Variants in METAP1D observed in about 807,000 individuals in gnomAD.
METAP1D encodes the protein methionyl aminopeptidase type 1D, mitochondrial, also known as methionine aminopeptidase 1D, mitochondrial.
In METAP1D, 31 loss-of-function variants were observed where a neutral mutation model predicts 40.5. The observed-to-expected ratio is 0.77, with a 90% CI of 0.58 to 1.03. METAP1D has a LOEUF of 1.03. Among genes scored for constraint, METAP1D ranks in the 50% least tolerant of loss-of-function variants. The pLI is 0.00. For missense variants in METAP1D, 411 were observed against 420.7 expected (o/e 0.98, Z 0.20); for synonymous variants, 151 against 146.4 (o/e 1.03, Z -0.22).
chr2:172,063,675 G>T (rs773254710), intron 2 of METAP1D, 36 bp from the exon 3 acceptor site: 3 of 1,523,802 alleles, frequency 2.0e-6, no homozygotes, highest in South Asian at 1.1e-5. Flanking sequence ...TCGTGCGCTG[G>T]GTTCTGATCT....
chr2:172,014,534 A>G (rs901868132), intron 1 of METAP1D, among the ~76,000 whole-genome samples: 4 of 152,246 alleles, frequency 2.6e-5, no homozygotes, highest in African/African-American at 9.6e-5. Flanking sequence ...TGCTTCTGAC[A>G]TGTTGGTTGT....
intron 1 of METAP1D, among the ~76,000 whole-genome samples, chr2:172,049,341 G>A (rs1364242757): frequency 6.7e-6 from 1 of 149,718 alleles, no homozygotes; most frequent in Non-Finnish European, 1.5e-5. Flanking sequence ...AAATATATAA[G>A]TATATATATT....
At chr2:172,067,043 AG>A (rs1690301405) in intron 5 of METAP1D, among the ~76,000 whole-genome samples, 1 of 152,178 alleles carries the variant, frequency 6.6e-6, no homozygotes, top group Admixed American at 6.5e-5. Context: ...TCATTTTCTT[AG>A]CCTTTTACCA....
chr2:172,075,354 G>A (rs929492687), intron 6 of METAP1D, among the ~76,000 whole-genome samples: 2 of 152,176 alleles, frequency 1.3e-5, no homozygotes, highest in Non-Finnish European at 2.9e-5. Context: ...GATTTTATCC[G>A]TGAAATGTCC....
chr2:172,079,446 C>T (rs762949022), intron 8 of METAP1D, among the ~76,000 whole-genome samples, 184 bp downstream of exon 8: 1 of 152,196 alleles, frequency 6.6e-6, no homozygotes, highest in African/African-American at 2.4e-5. Context: ...AGATACTTAC[C>T]GACACATTTA....
chr2:172,066,486 G>C lies in METAP1D; in HGVS notation c.540+180G>C, dbSNP rs138820536. 9.9e-3 allele frequency among the ~76,000 whole-genome samples: 1,506 copies of C among 152,236 alleles called. 34 individuals carry two copies. The highest frequency in any genetic ancestry group is 0.034 in the African/African-American group (1,432 of 41,532). On this transcript the variant is annotated intron_variant, in intron 5 of 9. Transcript: ENST00000315796. The stretch of plus-strand genomic sequence containing the variant: ...CTGTGTTTATTCCAAGTAAACCCAG[G>C]CCTGACTTGAATTTAGGGCTGCAAT...
intron 1 of METAP1D, among the ~76,000 whole-genome samples, chr2:172,056,167 C>T (rs887613877): frequency 1.3e-5 from 2 of 152,180 alleles, no homozygotes; most frequent in Admixed American, 6.5e-5. Flanking sequence ...CTTCCCATTT[C>T]CTGGGATGTA....
In METAP1D at chr2:172,061,645, C is replaced by T. The variant is rs530209960; in HGVS notation, c.188C>T (p.Pro63Leu). ...VLPAAVSSAH[P>L]VPKHIKKPDY... Reference sequence around the variant, plus strand: ...CCGGCTGCAGTTTCTTCAGCTCATCCGGTTCCTAAGGTACTGTATTGCCTA... The same window carrying T: ...CCGGCTGCAGTTTCTTCAGCTCATCTGGTTCCTAAGGTACTGTATTGCCTA... Residue 63 changes from proline (P) to leucine (L), a missense_variant, in exon 2 of 10, where the codon CCG (proline) becomes CTG (leucine). Transcript: ENST00000315796. The T allele has an allele frequency of 1.4e-5, 22 of 1,611,718 alleles. No homozygotes were observed. The highest frequency in any genetic ancestry group is 1.3e-4 in the East Asian group (6 of 44,806).
chr2:172,012,753 A>T (rs1688760408), intron 1 of METAP1D, among the ~76,000 whole-genome samples: 1 of 152,156 alleles, frequency 6.6e-6, no homozygotes. Context: ...TTGAAGATTT[A>T]ATGAGATTCA....
chr2:172,039,810 C>T (rs562993267), intron 1 of METAP1D, among the ~76,000 whole-genome samples: 1 of 151,880 alleles, frequency 6.6e-6, no homozygotes, highest in African/African-American at 2.4e-5. Context: ...GCTGGGATTA[C>T]AGGCACCCAC....
At chr2:172,048,919 A>G (rs1559011454) in intron 1 of METAP1D, among the ~76,000 whole-genome samples, 1 of 152,234 alleles carries the variant, frequency 6.6e-6, no homozygotes, top group East Asian at 1.9e-4. Context: ...TGCTATATAC[A>G]GATAAAGAGT....
intron 5 of METAP1D, among the ~76,000 whole-genome samples, chr2:172,070,221 C>T (rs900284677): frequency 6.6e-6 from 1 of 152,130 alleles, no homozygotes; most frequent in African/African-American, 2.4e-5. Flanking sequence ...TGTAATTGTG[C>T]TTTTAAGCTT....
At chr2:172,006,246 G>T (rs1275038784) in intron 1 of METAP1D, among the ~76,000 whole-genome samples, 1 of 151,204 alleles carries the variant, frequency 6.6e-6, no homozygotes, top group African/African-American at 2.4e-5. Flanking sequence ...TGCAGTGGCG[G>T]GATCTCGGCT....
chr2:172,016,300 A>AATATATATATATATATAT (rs1188835723), intron 1 of METAP1D, among the ~76,000 whole-genome samples: 22 of 40,050 alleles, frequency 5.5e-4, no homozygotes, highest in Non-Finnish European at 7.3e-4. Context: ...AAAAAAAAAA[A>AATATATATATATATATAT]ATATATATAT....
chr2:172,017,371 A>G lies in METAP1D; in HGVS notation c.40+17362A>G, dbSNP rs560605735. Among the ~76,000 whole-genome samples, 34 of 147,058 alleles carry G rather than the reference A, an allele frequency of 2.3e-4. No individual in the cohort carries two copies. The East Asian group carries it at 8.8e-3, about 38-fold the overall frequency. On this transcript the variant is annotated intron_variant, in intron 1 of 9. Transcript: ENST00000315796. The stretch of plus-strand genomic sequence containing the variant: ...TATATATAGGTATATATGTATATAT[A>G]TGTGTATATATATGTATATATGTGT...
At chr2:172,056,898 T>C (rs1690013587) in intron 1 of METAP1D, among the ~76,000 whole-genome samples, 1 of 152,234 alleles carries the variant, frequency 6.6e-6, no homozygotes, top group Admixed American at 6.5e-5. Flanking sequence ...GGATCATTTC[T>C]AAGAATTTTC....
intron 1 of METAP1D, among the ~76,000 whole-genome samples, chr2:172,038,949 G>A (rs1456948458): frequency 6.6e-6 from 1 of 152,186 alleles, no homozygotes; most frequent in Non-Finnish European, 1.5e-5. Flanking sequence ...CAATGGAGTT[G>A]GGAGCAGGGT....
At chr2:172,079,485 C>T (rs1690645829) in intron 8 of METAP1D, among the ~76,000 whole-genome samples, 1 of 152,248 alleles carries the variant, frequency 6.6e-6, no homozygotes, top group South Asian at 2.1e-4. Flanking sequence ...ACCTCTAATT[C>T]TGTTACCAGC....
chr2:172,071,163 T>G, intron 6 of METAP1D, 93 bp downstream of exon 6: 3 of 1,140,430 alleles, frequency 2.6e-6, no homozygotes, highest in Non-Finnish European at 3.5e-6. Context: ...GTTTTATGAT[T>G]CAGAACCATC....
Sources: allele counts gnomAD v4.1 joint callset (sites outside exome capture counted in the v4.1 genomes callset), GRCh38; gene constraint gnomAD v4.1.1; transcripts MANE v1.5; gene names NCBI Gene and HGNC (gene_info 2026-07-23, HGNC 2026-07-21).